FRZB: variants seen among roughly 807,000 people sequenced by gnomAD.
The protein encoded by FRZB is frizzled related protein.
In FRZB, 34 loss-of-function variants were observed where a neutral mutation model predicts 32.5. That is an observed-to-expected ratio of 1.05 (90% CI 0.80 to 1.39). The LOEUF (loss-of-function observed/expected upper bound fraction) is 1.39. FRZB is among the 40% of genes most tolerant of loss of function. FRZB has a pLI of 0.00. For missense variants in FRZB, 423 were observed against 424.8 expected, an observed-to-expected ratio of 1.00 and a Z score of 0.04; for synonymous variants, 170 against 159.2, an observed-to-expected ratio of 1.07 and a Z score of -0.51.
intron 2 of FRZB, among the ~76,000 whole-genome samples, chr2:182,853,372 A>G (rs1695730785): frequency 6.6e-6 from 1 of 152,174 alleles, no homozygotes; most frequent in Non-Finnish European, 1.5e-5. Flanking sequence ...AATTGGTAAC[A>G]TATACATGTC....
chr2:182,838,913 A>G (rs1306940598), intron 3 of FRZB, among the ~76,000 whole-genome samples: 3 of 152,134 alleles, frequency 2.0e-5, no homozygotes, highest in Admixed American at 1.3e-4. Flanking sequence ...TCAAAGATTG[A>G]GTCAACAATC....
In FRZB at chr2:182,842,461, C is replaced by T. The variant is rs775315893; in HGVS notation, c.592+17G>A. The T allele has an allele frequency of 2.5e-6, 4 of 1,589,048 alleles. No homozygotes were observed. Among genetic ancestry groups the T allele is most frequent in the Non-Finnish European group, 3.5e-6 (4 of 1,157,642 alleles). ...TTAACACAGCAGTTTATACATCAAC[C>T]ATGAAATTTTCCTTACCATAGTTGT... On this transcript the variant is annotated intron_variant, in intron 3 of 5. Coordinates refer to ENST00000295113, the MANE Select transcript of FRZB (RefSeq NM_001463.4).
At chr2:182,852,217 T>C (rs1175798702) in intron 2 of FRZB, among the ~76,000 whole-genome samples, 2 of 152,156 alleles carry the variant, frequency 1.3e-5, no homozygotes, top group Non-Finnish European at 2.9e-5. Flanking sequence ...GGAATGGGTC[T>C]ATACTACCCA....
chr2:182,848,956 G>A (rs753439020), intron 2 of FRZB, among the ~76,000 whole-genome samples: 1 of 152,244 alleles, frequency 6.6e-6, no homozygotes, highest in Non-Finnish European at 1.5e-5. Context: ...GCCGGGGTGC[G>A]GTGGCTCACG....
At chr2:182,836,530 G>A (rs983126137) in intron 5 of FRZB, among the ~76,000 whole-genome samples, 2 of 151,970 alleles carry the variant, frequency 1.3e-5, no homozygotes, top group East Asian at 3.9e-4. Context: ...GGGAAATATT[G>A]CAGAAAGCAA....
At chr2:182,859,693 T>G (rs970914478) in intron 1 of FRZB, among the ~76,000 whole-genome samples, 1 of 152,180 alleles carries the variant, frequency 6.6e-6, no homozygotes, top group African/African-American at 2.4e-5. Context: ...AGGAATAAAT[T>G]AAACAAGGGG....
At chr2:182,857,385 C>T (rs571943433) in intron 2 of FRZB, among the ~76,000 whole-genome samples, 5 of 152,136 alleles carry the variant, frequency 3.3e-5, no homozygotes, top group East Asian at 1.9e-4. Context: ...CTCTGTAAGG[C>T]CAAGGTGGGT....
Position 182,866,197 on chromosome 2 carries a change from C to T in FRZB, c.356G>A (p.Cys119Tyr). The change falls in exon 1 of 6, where the codon TGT (cysteine) becomes TAT (tyrosine). Residue 119 changes from cysteine to tyrosine, a missense_variant. Cys to Tyr is a radical substitution (Grantham distance 194, BLOSUM62 -2). Coordinates refer to ENST00000295113, the MANE Select transcript of FRZB (RefSeq NM_001463.4). The surrounding 1 kb of genome is among the most constrained non-coding windows in gnomAD (Gnocchi z 4.5). ...KSVCERARQG[C>Y]EPILIKYRHS... ...GCGGTACTTGATGAGTATGGGCTCACAGCCCTGCCGGGCCCGCTCGCACAC... is the reference window on the plus strand; with the variant it reads ...GCGGTACTTGATGAGTATGGGCTCATAGCCCTGCCGGGCCCGCTCGCACAC... 1.2e-6 allele frequency: 2 copies of T among 1,614,188 alleles called. No individual in the cohort carries two copies. Among genetic ancestry groups the T allele is most frequent in the South Asian group, 1.1e-5 (1 of 91,080 alleles).
intron 1 of FRZB, among the ~76,000 whole-genome samples, chr2:182,862,169 C>T (rs1466183887): frequency 6.6e-6 from 1 of 152,204 alleles, no homozygotes; most frequent in African/African-American, 2.4e-5. Flanking sequence ...AATGGCAGCT[C>T]CTGCATATGA....
chr2:182,858,921 T>C, intron 1 of FRZB, 88 bp from the exon 2 acceptor site: 1 of 1,109,396 alleles, frequency 9.0e-7, no homozygotes, highest in South Asian at 1.3e-5. Context: ...ACAAGTTTGA[T>C]TTGGGTAAGA....
chr2:182,866,530 C>G lies in FRZB; in HGVS notation c.23G>C (p.Gly8Ala). ...CAGCCCGGCCCGCAGCAGCAGCATC[C>G]CTCCCGGGCTGCCGCAGACCATGAT... is the stretch of plus-strand genomic sequence containing the variant. MVCGSPGGMLLLRAGLLA... is the reference protein window; with the variant it reads MVCGSPGAMLLLRAGLLA... The change falls in exon 1 of 6, where the codon GGG (glycine) becomes GCG (alanine). Residue 8 changes from glycine (G) to alanine (A), a missense_variant. Transcript: ENST00000295113. This position sits in a 1 kb window ranked among gnomAD's most constrained non-coding sequence, Gnocchi z 4.5. 5.4e-6 allele frequency: 8 copies of G among 1,470,734 alleles called. No individual in the cohort carries two copies. Among genetic ancestry groups the G allele is most frequent in the Non-Finnish European group, 5.4e-6 (6 of 1,112,962 alleles). 91.1% of individuals were successfully genotyped at this position (1,470,734 alleles called of 1,614,324 possible). A position where few individuals can be genotyped will look rare whatever the true frequency, so the allele number is the denominator to read the frequency against.
rs558557564 is a variant in FRZB at position 182,853,422 on chromosome 2, C to G, written c.526+5364G>C. Among the ~76,000 whole-genome samples, 3 of 152,232 alleles carry G rather than the reference C, an allele frequency of 2.0e-5. No homozygotes were observed. The East Asian group carries it at 5.8e-4, about 29-fold the overall frequency. ...TTGACCCACCAATTGCAGTTTTATACAAATGAGCTTTTCAGTTCGGGTTGA... is the reference window on the plus strand; with the variant it reads ...TTGACCCACCAATTGCAGTTTTATAGAAATGAGCTTTTCAGTTCGGGTTGA... On this transcript the variant is annotated intron_variant, in intron 2 of 5. Transcript: ENST00000295113.
chr2:182,865,186 T>G (rs189608536), intron 1 of FRZB, among the ~76,000 whole-genome samples: 256 of 152,176 alleles, frequency 1.7e-3, no homozygotes, highest in Non-Finnish European at 2.5e-3. Context: ...TGAAATAAGG[T>G]ATTAAAGACA....
chr2:182,862,372 G>A (rs141117917), intron 1 of FRZB, among the ~76,000 whole-genome samples: 73 of 152,348 alleles, frequency 4.8e-4, no homozygotes, highest in Non-Finnish European at 7.2e-4. Context: ...TTAACTGCTT[G>A]ATTCCTGGGT....
intron 2 of FRZB, among the ~76,000 whole-genome samples, chr2:182,852,011 G>A (rs906899860): frequency 6.6e-6 from 1 of 151,966 alleles, no homozygotes; most frequent in African/African-American, 2.4e-5. Flanking sequence ...CAAAGTAATG[G>A]GGAAAAAAAA....
chr2:182,858,970 A>G (rs1695800941), intron 1 of FRZB, 137 bp from the exon 2 acceptor site: 2 of 693,900 alleles, frequency 2.9e-6, no homozygotes, highest in Admixed American at 4.5e-5. Flanking sequence ...TATTAACGTC[A>G]TGAGGTCGGC....
chr2:182,866,096 T>C lies in FRZB; in HGVS notation c.457A>G (p.Ile153Val). ...DRGVCISPEA[I>V]VTADGADFPM... ...TCACCAGCTCCGTCCGCAGTAACGA[T>C]GGCCTCGGGAGAGATGCACACGCCC... Residue 153 changes from isoleucine to valine, a missense_variant, in exon 1 of 6, where the codon ATC becomes GTC. Ile to Val is a conservative substitution (Grantham distance 29). Coordinates refer to ENST00000295113, the MANE Select transcript of FRZB (RefSeq NM_001463.4). The surrounding 1 kb of genome is among the most constrained non-coding windows in gnomAD (Gnocchi z 4.5). 1.2e-6 allele frequency: 2 copies of C among 1,611,372 alleles called. No homozygotes were observed. Among genetic ancestry groups the C allele is most frequent in the Non-Finnish European group, 8.5e-7 (1 of 1,177,950 alleles).
intron 2 of FRZB, among the ~76,000 whole-genome samples, chr2:182,846,459 C>T (rs1236213295): frequency 1.3e-5 from 2 of 152,130 alleles, no homozygotes; most frequent in African/African-American, 2.4e-5. Context: ...AGCCTCAGAT[C>T]TGTGCTTAGG....
At chr2:182,836,897 T>C (rs1342988852) in intron 5 of FRZB, among the ~76,000 whole-genome samples, 1 of 152,040 alleles carries the variant, frequency 6.6e-6, no homozygotes, top group Admixed American at 6.6e-5. Context: ...AGTTTCTCCT[T>C]ACAAAATAAT....
Sources: allele counts gnomAD v4.1 joint callset (sites outside exome capture counted in the v4.1 genomes callset), GRCh38; gene constraint gnomAD v4.1.1; non-coding constraint Gnocchi (gnomAD v3.1); transcripts MANE v1.5; gene names NCBI Gene and HGNC (gene_info 2026-07-23, HGNC 2026-07-21).